SLFN14: variants seen among roughly 807,000 people sequenced by gnomAD.
SLFN14 encodes the protein schlafen family member 14.
In SLFN14, 47 loss-of-function variants were observed where a neutral mutation model predicts 58.6. The ratio of observed to expected loss-of-function variants is 0.80; its 90% confidence interval spans 0.64 to 1.02. SLFN14 has a LOEUF of 1.02. Among genes scored for constraint, SLFN14 ranks in the 50% least tolerant of loss-of-function variants. The pLI, the probability that SLFN14 is intolerant of heterozygous loss-of-function variation, is 0.00. For missense variants in SLFN14, 967 were observed against 1,078.4 expected, an observed-to-expected ratio of 0.90 and a Z score of 1.45; for synonymous variants, 390 against 387.3, an observed-to-expected ratio of 1.01 and a Z score of -0.08.
Position 35,557,382 on chromosome 17 carries a change from C to T in SLFN14, c.681G>A (p.Met227Ile). Residue 227 changes from methionine to isoleucine, a missense_variant, in exon 3 of 6, where the codon ATG becomes ATA. Physicochemically the swap from Met to Ile is conservative, Grantham distance 10 (BLOSUM62 1). Coordinates refer to ENST00000674182, the MANE Select transcript of SLFN14 (RefSeq NM_001129820.2). ...TKKVIPRIKE[M>I]LPHYVSAFAN... ...CAAATGCAGAAACATAATGAGGCAG[C>T]ATTTCCTTAATCCGAGGTATGACTT... is the stretch of plus-strand genomic sequence containing the variant. 1 of 1,551,710 alleles carries T rather than the reference C, an allele frequency of 6.4e-7. No individual in the cohort carries two copies. The highest frequency in any genetic ancestry group is 1.4e-5 in the African/African-American group (1 of 73,182).
In SLFN14 at chr17:35,556,313, C is replaced by T. The variant is rs769154517; in HGVS notation, c.1060+690G>A. On this transcript the variant is annotated intron_variant, in intron 3 of 5. Transcript: ENST00000674182. The stretch of plus-strand genomic sequence containing the variant: ...TTGGCCTCCCAAAGTGCTAGGACTG[C>T]GCCCAGCCTCAGAGTTATTCTTAAA... Among the ~76,000 whole-genome samples, 8 of 152,280 alleles carry T rather than the reference C, an allele frequency of 5.3e-5. No individual in the cohort carries two copies. In the East Asian group the frequency reaches 7.7e-4, roughly 15 times the overall value.
chr17:35,554,675 A>T lies in SLFN14; in HGVS notation c.1090T>A (p.Ser364Thr). 1 of 1,479,060 alleles carries T rather than the reference A, an allele frequency of 6.8e-7. No individual in the cohort carries two copies. The highest frequency in any genetic ancestry group is 9.0e-7 in the Non-Finnish European group (1 of 1,107,624). The allele number at this position is 1,479,060 out of a possible 1,614,324, so 91.6% of individuals were successfully genotyped here. A position where few individuals can be genotyped will look rare whatever the true frequency, so the allele number is the denominator to read the frequency against. Residue 364 changes from serine to threonine, a missense_variant, in exon 4 of 6, where the codon TCT (serine) becomes ACT (threonine). Ser to Thr is a moderately conservative substitution (Grantham distance 58). Coordinates refer to ENST00000674182, the MANE Select transcript of SLFN14 (RefSeq NM_001129820.2). The part of the protein sequence containing the change: ...APPSLVTDYN[S>T]CLISSASSAR... Reference sequence around the variant, plus strand: ...GATGAAGCTGATGAAATCAGGCAAGAGTTGTAGTCTGTGACCAAACTGGGA... The same window carrying T: ...GATGAAGCTGATGAAATCAGGCAAGTGTTGTAGTCTGTGACCAAACTGGGA...
Position 35,548,137 on chromosome 17 carries a change from G to T in SLFN14, c.*102C>A. ...CTGTGGCTCCAGGCCATACTGATGT[G>T]CCTTGATTTCCTCACTTGTAATATT... On this transcript the variant is annotated 3_prime_UTR_variant, in exon 6 of 6. Transcript: ENST00000674182. The T allele has an allele frequency of 8.8e-7, 1 of 1,142,190 alleles. No individual in the cohort carries two copies. The highest frequency in any genetic ancestry group is 1.2e-6 in the Non-Finnish European group (1 of 821,030). 70.8% of individuals were successfully genotyped at this position (1,142,190 alleles called of 1,614,324 possible).
rs2072535337 is a variant in SLFN14, at chr17:35,546,446, C to T, written c.*1793G>A. ...GGCAGCTAAGAGAGCTTCTCGAAAC[C>T]CTGCCTGCTCTTCCACCTCTTGGAA... On this transcript the variant is annotated 3_prime_UTR_variant, in exon 6 of 6. Coordinates refer to ENST00000674182, the MANE Select transcript of SLFN14 (RefSeq NM_001129820.2). Among the ~76,000 whole-genome samples, 1 of 152,184 alleles carries T rather than the reference C, an allele frequency of 6.6e-6. No homozygotes were observed. The highest frequency in any genetic ancestry group is 1.5e-5 in the Non-Finnish European group (1 of 68,030).
chr17:35,549,598 A>G (rs1431891910), intron 5 of SLFN14, among the ~76,000 whole-genome samples: 3 of 152,228 alleles, frequency 2.0e-5, no homozygotes, highest in Non-Finnish European at 4.4e-5. Context: ...CACATCAAGT[A>G]GGGTACCAAA....
Position 35,548,400 on chromosome 17 carries a change from T to C in SLFN14, c.2578A>G (p.Ile860Val). The change falls in exon 6 of 6, where the codon ATT becomes GTT. Residue 860 changes from isoleucine (I) to valine (V), a missense_variant. Transcript: ENST00000674182. ...AATTGCTGAATACTGTCTAAAACAA[T>C]GTGACTTCCCCAAACACCGGTGGCC... is the stretch of plus-strand genomic sequence containing the variant. ...SPATGVWGSH[I>V]VLDSIQQFSG... 6.4e-7 allele frequency: 1 copy of C among 1,551,732 alleles called. No homozygotes were observed. Among genetic ancestry groups the C allele is most frequent in the Non-Finnish European group, 8.7e-7 (1 of 1,147,000 alleles).
At chr17:35,558,495 C>T (rs1001314751) in intron 2 of SLFN14, among the ~76,000 whole-genome samples, 4 of 151,116 alleles carry the variant, frequency 2.6e-5, no homozygotes, top group African/African-American at 9.7e-5. Context: ...TGCTACGTTG[C>T]AATCCTCCTG....
chr17:35,558,129 G>T, intron 2 of SLFN14, 23 bp from the exon 3 acceptor site: 1 of 1,294,840 alleles, frequency 7.7e-7, no homozygotes, highest in South Asian at 1.5e-5. Context: ...CAGAAATATT[G>T]TTTCTATATT....
At position 35,548,022 on chromosome 17, in the gene SLFN14, A is replaced by G. The variant is rs2072547732; in HGVS notation, c.*217T>C. 6 of 568,680 alleles carry G rather than the reference A, an allele frequency of 1.1e-5. No individual in the cohort carries two copies. In the South Asian group the frequency reaches 1.3e-4, roughly 13 times the overall value. 35.2% of individuals were successfully genotyped at this position (568,680 alleles called of 1,614,324 possible). ...TGGAGACAGGGGACTAATGAAGTCT[A>G]TTGTAATTGTATAGGTAGGAGGTGA... On this transcript the variant is annotated 3_prime_UTR_variant, in exon 6 of 6. Coordinates refer to ENST00000674182, the MANE Select transcript of SLFN14 (RefSeq NM_001129820.2).
rs980058071 is a variant in SLFN14 at position 35,544,488 on chromosome 17, T to C, written c.*3751A>G. Among the ~76,000 whole-genome samples, 7 of 150,946 alleles carry C rather than the reference T, an allele frequency of 4.6e-5. No individual in the cohort carries two copies. Among genetic ancestry groups the C allele is most frequent in the African/African-American group, 1.7e-4 (7 of 41,078 alleles). On this transcript the variant is annotated 3_prime_UTR_variant, in exon 6 of 6. Transcript: ENST00000674182. ...AAGAATAGAAATAAATAAGCAAAAA[T>C]GAAAAAATGTTACACCCAGATAACA...
Position 35,548,612 on chromosome 17 carries a change from A to C in SLFN14, c.2366T>G (p.Leu789Arg). 2 of 1,551,756 alleles carry C rather than the reference A, an allele frequency of 1.3e-6. No individual in the cohort carries two copies. Among genetic ancestry groups the C allele is most frequent in the Non-Finnish European group, 1.7e-6 (2 of 1,147,004 alleles). The change falls in exon 6 of 6, where the codon CTG becomes CGG. Residue 789 changes from leucine to arginine, a missense_variant. By Grantham distance (102) the Leu-to-Arg change is moderately radical (BLOSUM62 -2). Coordinates refer to ENST00000674182, the MANE Select transcript of SLFN14 (RefSeq NM_001129820.2). ...ATAGTTAGCTATTTGTTCTGTTGTC[A>C]GATTAGTCTTTGTCTCACACACCCC... ...LPGVCETKTN[L>R]TTEQIANYVA... is the part of the protein sequence containing the mutation.
At chr17:35,552,635 T>TACATATATGTATACACATATATATAC (rs2072603281) in intron 5 of SLFN14, 95 bp downstream of exon 5, 2 of 395,174 alleles carry the variant, frequency 5.1e-6, no homozygotes, top group African/African-American at 5.3e-5. Flanking sequence ...CACATATATA[T>TACATATATGTATACACATATATATAC]ACATATATAT....
Position 35,553,298 on chromosome 17 carries a change from C to A in SLFN14, c.1336G>T (p.Val446Phe). 1.3e-6 allele frequency: 2 copies of A among 1,551,704 alleles called. No individual in the cohort carries two copies. The highest frequency in any genetic ancestry group is 1.7e-6 in the Non-Finnish European group (2 of 1,146,994). ...VIFSRSWAGDVGFRKEQNVLC... is the reference protein window; with the variant it reads ...VIFSRSWAGDFGFRKEQNVLC... ...ACATTCTGTTCTTTCCTGAAGCCAA[C>A]ATCACCAGCCCAGCTTCTAGAAAAT... Residue 446 changes from valine (V) to phenylalanine (F), a missense_variant, in exon 5 of 6, where the codon GTT becomes TTT. Physicochemically the swap from Val to Phe is conservative, Grantham distance 50 (BLOSUM62 -1). Transcript: ENST00000674182.
chr17:35,550,007 G>A (rs546916304), intron 5 of SLFN14, among the ~76,000 whole-genome samples: 1 of 152,264 alleles, frequency 6.6e-6, no homozygotes, highest in East Asian at 1.9e-4. Flanking sequence ...CAGTCTACAG[G>A]ATCCCTGATA....
In SLFN14 at chr17:35,548,645, G is replaced by C. The variant is rs1360386785; in HGVS notation, c.2333C>G (p.Ala778Gly). The C allele has an allele frequency of 6.4e-7, 1 of 1,551,766 alleles. No individual in the cohort carries two copies. The highest frequency in any genetic ancestry group is 2.0e-5 in the Admixed American group (1 of 51,010). ...TAYEEATCAQALPGVCETKTN... is the reference protein window; with the variant it reads ...TAYEEATCAQGLPGVCETKTN... ...CTTTGTCTCACACACCCCAGGCAGA[G>C]CCTGGGCACACGTTGCTTCCTCATA... The change falls in exon 6 of 6, where the codon GCT (alanine) becomes GGT (glycine). Residue 778 changes from alanine to glycine, a missense_variant. Physicochemically the swap from Ala to Gly is moderately conservative, Grantham distance 60. Coordinates refer to ENST00000674182, the MANE Select transcript of SLFN14 (RefSeq NM_001129820.2).
In SLFN14 at chr17:35,545,332, A is replaced by G. The variant is rs2072526112; in HGVS notation, c.*2907T>C. On this transcript the variant is annotated 3_prime_UTR_variant, in exon 6 of 6. Transcript: ENST00000674182. ...CCTGCCCTGTGTGAGGCACTGTACT[A>G]GTTGCTCTAGGGGAAATAAGGATGT... Among the ~76,000 whole-genome samples the G allele has an allele frequency of 2.6e-5, 4 of 152,170 alleles. No individual in the cohort carries two copies. The South Asian group carries it at 8.3e-4, about 31-fold the overall frequency.
chr17:35,557,120 C>A lies in SLFN14; in HGVS notation c.943G>T (p.Glu315Ter). Residue 315 changes from glutamate to a stop codon, truncating the protein, a stop_gained, in exon 3 of 6, where the codon GAG becomes TAG. Coordinates refer to ENST00000674182, the MANE Select transcript of SLFN14 (RefSeq NM_001129820.2). LOFTEE classifies it high-confidence loss of function. The stretch of plus-strand genomic sequence containing the variant: ...GCAAACACCACGCAACAGAAGGGCT[C>A]CACTTGAATCACACAGACATAACCA... ...LDGYVCVIQV[E>*]PFCCVVFAEA... 6.4e-7 allele frequency: 1 copy of A among 1,551,660 alleles called. No individual in the cohort carries two copies. Among genetic ancestry groups the A allele is most frequent in the Non-Finnish European group, 8.7e-7 (1 of 1,146,996 alleles).
Position 35,544,234 on chromosome 17 carries a change from TC to T in SLFN14, c.*4004del, listed in dbSNP as rs1271558648. On this transcript the variant is annotated 3_prime_UTR_variant, in exon 6 of 6. Transcript: ENST00000674182. ...CTGTGCACATCAGAACTACTAACATTCCAAGTCACATGACCAAGGCCACATT... is the reference window on the plus strand; with the variant it reads ...CTGTGCACATCAGAACTACTAACATTCAAGTCACATGACCAAGGCCACATT... 6.6e-6 allele frequency among the ~76,000 whole-genome samples: 1 copy of T among 152,152 alleles called. No homozygotes were observed. The highest frequency in any genetic ancestry group is 1.5e-5 in the Non-Finnish European group (1 of 68,038).
rs759433530 is a variant in SLFN14, at chr17:35,559,018, T to G, written c.-45+709A>C. Among the ~76,000 whole-genome samples the G allele has an allele frequency of 7.3e-5, 11 of 151,028 alleles. No individual in the cohort carries two copies. In the East Asian group the frequency reaches 2.2e-3, roughly 30 times the overall value. On this transcript the variant is annotated intron_variant, in intron 2 of 5. Transcript: ENST00000674182. ...TTTCGATCAGGAGTTGAGACCAGCG[T>G]GGACAACATAGCAAGACCCCATCTC...
Sources: allele counts gnomAD v4.1 joint callset (sites outside exome capture counted in the v4.1 genomes callset), GRCh38; gene constraint gnomAD v4.1.1; transcripts MANE v1.5; gene names NCBI Gene and HGNC (gene_info 2026-07-23, HGNC 2026-07-21).